NAV3: variants seen among roughly 807,000 people sequenced by gnomAD.
NAV3 encodes neuron navigator 3, also known as pore membrane and/or filament interacting like protein 1.
A neutral mutation model predicts 244.7 loss-of-function variants in NAV3; 87 were observed. That is an observed-to-expected ratio of 0.36 (90% CI 0.30 to 0.42). NAV3 has a LOEUF of 0.42. NAV3 is among the 20% of genes least tolerant of loss of function. The pLI, the probability that NAV3 is intolerant of heterozygous loss-of-function variation, is 1.00. For missense variants in NAV3, 2,663 were observed against 2,893.3 expected (o/e 0.92, Z 1.83); for synonymous variants, 1,126 against 1,042.2 (o/e 1.08, Z -1.55).
At chr12:77,859,620 AAAAAAAAAATCAAAG>A (rs1565864234) in intron 1 of NAV3, among the ~76,000 whole-genome samples, 6 of 143,590 alleles carry the variant, frequency 4.2e-5, no homozygotes, top group East Asian at 2.0e-4. Context: ...AAGTGTAATA[AAAAAAAAAATCAAAG>A]TGAAAAAAAA....
chr12:77,964,811 C>T (rs1032167629), intron 3 of NAV3, among the ~76,000 whole-genome samples: 5 of 149,346 alleles, frequency 3.3e-5, no homozygotes, highest in Non-Finnish European at 7.5e-5. Context: ...ATTTTTTTTT[C>T]CTCAAAATAA....
At chr12:77,801,643 C>G (rs886517133) in intron 2 of NAV3, among the ~76,000 whole-genome samples, 1 of 152,054 alleles carries the variant, frequency 6.6e-6, no homozygotes, top group South Asian at 2.1e-4. Context: ...TATGTCCCAT[C>G]CAAATTGGAA....
At chr12:78,108,435 C>G (rs1367245904) in intron 12 of NAV3, among the ~76,000 whole-genome samples, 1 of 152,102 alleles carries the variant, frequency 6.6e-6, no homozygotes, top group East Asian at 1.9e-4. Flanking sequence ...TAGATTTAAA[C>G]TAGATTTTAG....
At chr12:78,064,049 A>C (rs995801009) in intron 12 of NAV3, among the ~76,000 whole-genome samples, 5 of 152,218 alleles carry the variant, frequency 3.3e-5, no homozygotes, top group African/African-American at 1.2e-4. Flanking sequence ...GAGGGATGAG[A>C]TAAAGACAGG....
At chr12:77,749,306 G>A (rs1397290445) in intron 2 of NAV3, among the ~76,000 whole-genome samples, 2 of 152,210 alleles carry the variant, frequency 1.3e-5, no homozygotes, top group East Asian at 1.9e-4. Context: ...CTGTTACGTT[G>A]AGATATTCAG....
intron 2 of NAV3, among the ~76,000 whole-genome samples, chr12:77,820,893 T>G (rs1872714179): frequency 6.6e-6 from 1 of 152,192 alleles, no homozygotes; most frequent in Admixed American, 6.6e-5. Flanking sequence ...ACTGAATAAA[T>G]TACACAAAAT....
chr12:78,123,039 T>C (rs1955745285), intron 16 of NAV3, among the ~76,000 whole-genome samples: 2 of 152,064 alleles, frequency 1.3e-5, no homozygotes, highest in Middle Eastern at 3.2e-3. Flanking sequence ...TTTATATATA[T>C]ATATAAACTT....
At chr12:78,005,601 T>A (rs1184792591) in intron 7 of NAV3, among the ~76,000 whole-genome samples, 4 of 152,222 alleles carry the variant, frequency 2.6e-5, no homozygotes, top group African/African-American at 7.2e-5. Context: ...GTTTTGAGAA[T>A]GACTGTGGTA....
intron 2 of NAV3, among the ~76,000 whole-genome samples, chr12:77,637,200 G>A (rs1409821255): frequency 2.1e-5 from 3 of 142,596 alleles, no homozygotes; most frequent in African/African-American, 7.6e-5. Context: ...GATTATTAAT[G>A]CTTGTGACAA....
intron 2 of NAV3, among the ~76,000 whole-genome samples, chr12:77,779,962 C>T (rs1870581121): frequency 1.3e-5 from 2 of 152,222 alleles, no homozygotes; most frequent in Admixed American, 6.5e-5. Context: ...TGTCCCATTA[C>T]GACATGCCCG....
intron 12 of NAV3, among the ~76,000 whole-genome samples, chr12:78,116,073 G>A (rs746941785): frequency 2.0e-5 from 3 of 152,172 alleles, no homozygotes; most frequent in Admixed American, 6.5e-5. Context: ...AGAAGTCTTT[G>A]AAGGATGTTG....
chr12:77,861,700 G>A (rs1238164181), intron 1 of NAV3, among the ~76,000 whole-genome samples: 2 of 151,740 alleles, frequency 1.3e-5, no homozygotes, highest in East Asian at 3.9e-4. Context: ...GGCTGGGAAG[G>A]GGGTAGATTA....
intron 21 of NAV3, among the ~76,000 whole-genome samples, chr12:78,147,373 A>C (rs17044933): frequency 6.6e-6 from 1 of 151,966 alleles, no homozygotes; most frequent in Non-Finnish European, 1.5e-5. Flanking sequence ...CCCTTTTATC[A>C]TTGATGCTGT....
intron 12 of NAV3, among the ~76,000 whole-genome samples, chr12:78,098,348 G>A (rs1188934071): frequency 3.3e-5 from 5 of 151,894 alleles, no homozygotes; most frequent in Non-Finnish European, 5.9e-5. Context: ...TCCACACACT[G>A]TAGTATTTAA....
At chr12:77,814,759 C>A (rs1872462067) in intron 2 of NAV3, among the ~76,000 whole-genome samples, 2 of 152,120 alleles carry the variant, frequency 1.3e-5, no homozygotes, top group African/African-American at 4.8e-5. Context: ...CAACTTTAAA[C>A]CAAGTTCAGA....
chr12:77,990,796 G>T (rs1459932830), intron 5 of NAV3, among the ~76,000 whole-genome samples: 4 of 151,918 alleles, frequency 2.6e-5, no homozygotes, highest in Non-Finnish European at 4.4e-5. Flanking sequence ...GACTCTATAG[G>T]TTTTCCCTTC....
chr12:77,808,244 G>A (rs1286905780), intron 2 of NAV3, among the ~76,000 whole-genome samples: 2 of 152,098 alleles, frequency 1.3e-5, no homozygotes, highest in Non-Finnish European at 2.9e-5. Context: ...ATCCTTTGGA[G>A]GAGAAGAAGC....
intron 1 of NAV3, among the ~76,000 whole-genome samples, chr12:77,931,827 A>G (rs900663604): frequency 1.3e-5 from 2 of 152,094 alleles, no homozygotes; most frequent in Non-Finnish European, 2.9e-5. Flanking sequence ...AGATCGCGCC[A>G]CTGCACGCCA....
At chr12:78,120,992 T>C (rs1382887377) in intron 15 of NAV3, among the ~76,000 whole-genome samples, 1 of 152,216 alleles carries the variant, frequency 6.6e-6, no homozygotes, top group Admixed American at 6.5e-5. Context: ...CTGATTCTCA[T>C]TGGGAAGAAT....
Sources: gnomAD v4.1 joint callset for allele counts (sites outside exome capture counted in the v4.1 genomes callset) on GRCh38, gnomAD v4.1.1 for gene constraint, MANE v1.5 for transcripts, NCBI Gene and HGNC (gene_info 2026-07-23, HGNC 2026-07-21) for gene names.